Variants in GTPBP10 observed in about 807,000 individuals in gnomAD.
The protein encoded by GTPBP10 is GTP-binding protein 10.
GTPBP10 carries 38 observed loss-of-function variants against 44.8 expected under a neutral mutation model. That is an observed-to-expected ratio of 0.85 (90% CI 0.65 to 1.11). The LOEUF (loss-of-function observed/expected upper bound fraction) is 1.11. Ranked by LOEUF, GTPBP10 falls within the 50% of genes most tolerant of loss-of-function variation. The probability of loss-of-function intolerance (pLI) is 0.00; values close to 1 mark genes in which losing one functional copy is unlikely to be tolerated. For missense variants in GTPBP10, 462 were observed against 453.7 expected, an observed-to-expected ratio of 1.02 and a Z score of -0.17; for synonymous variants, 152 against 150.6, an observed-to-expected ratio of 1.01 and a Z score of -0.07.
chr7:90,348,621 G>C (rs1004848707), intron 1 of GTPBP10, among the ~76,000 whole-genome samples: 1 of 151,488 alleles, frequency 6.6e-6, no homozygotes, highest in African/African-American at 2.4e-5. Flanking sequence ...TTGGGTGGCA[G>C]AGGCAGAAGG....
chr7:90,371,130 T>TA (rs1796250546), intron 4 of GTPBP10: 2 of 838,780 alleles, frequency 2.4e-6, no homozygotes, highest in Non-Finnish European at 2.9e-6. Context: ...AAAGTTATTT[T>TA]AAAAAAACAA....
At chr7:90,367,667 T>C (rs1368636674) in intron 4 of GTPBP10, among the ~76,000 whole-genome samples, 2 of 152,034 alleles carry the variant, frequency 1.3e-5, no homozygotes, top group Non-Finnish European at 2.9e-5. Context: ...TTTGAGCCTG[T>C]GTGTGTCTTT....
At position 90,372,202 on chromosome 7, in the gene GTPBP10, C is replaced by T; in HGVS notation, c.512C>T (p.Ala171Val). ...KSSLLSCVSH[A>V]KPAIADYAFT... ...TCTTTGCTAAGTTGTGTTTCTCATG[C>T]AAAACCTGCAATTGCAGATTACGCA... The change falls in exon 5 of 10, where the codon GCA becomes GTA. Residue 171 changes from alanine (A) to valine (V), a missense_variant. By Grantham distance (64) the Ala-to-Val change is moderately conservative. Coordinates refer to ENST00000222511, the MANE Select transcript of GTPBP10 (RefSeq NM_033107.4). 1 of 1,604,820 alleles carries T rather than the reference C, an allele frequency of 6.2e-7. No homozygotes were observed. Among genetic ancestry groups the T allele is most frequent in the Non-Finnish European group, 8.5e-7 (1 of 1,174,694 alleles).
chr7:90,385,332 G>T lies in GTPBP10; in HGVS notation c.*178G>T. 2.0e-6 allele frequency: 1 copy of T among 491,162 alleles called. No homozygotes were observed. The highest frequency in any genetic ancestry group is 3.5e-6 in the Non-Finnish European group (1 of 285,344). The allele number at this position is 491,162 out of a possible 1,614,324, so 30.4% of individuals were successfully genotyped here. ...ACTCATAGAAGGAGAGAATAGAATG[G>T]TGGTTATCAAGGGCTGGTGGGGCAG... On this transcript the variant is annotated 3_prime_UTR_variant, in exon 10 of 10. Coordinates refer to ENST00000222511, the MANE Select transcript of GTPBP10 (RefSeq NM_033107.4).
chr7:90,360,584 G>A (rs1795997717), intron 4 of GTPBP10, among the ~76,000 whole-genome samples: 1 of 152,166 alleles, frequency 6.6e-6, no homozygotes, highest in Non-Finnish European at 1.5e-5. Context: ...GATGTCTCCA[G>A]CTTTGCTTTT....
chr7:90,374,301 G>T lies in GTPBP10; in HGVS notation c.539-1G>T, dbSNP rs1240153585. On this transcript the variant is annotated splice_acceptor_variant, in intron 5 of 9. Coordinates refer to ENST00000222511, the MANE Select transcript of GTPBP10 (RefSeq NM_033107.4). LOFTEE classifies it high-confidence loss of function. ...TAATTTATTGCTGTGTTTCCTTTTAGTTACAACATTAAAGCCTGAACTTGG... is the reference window on the plus strand; with the variant it reads ...TAATTTATTGCTGTGTTTCCTTTTATTTACAACATTAAAGCCTGAACTTGG... The T allele has an allele frequency of 1.3e-6, 2 of 1,592,826 alleles. No homozygotes were observed. The highest frequency in any genetic ancestry group is 1.7e-6 in the Non-Finnish European group (2 of 1,161,818).
In GTPBP10 at chr7:90,352,847, T is replaced by A. The variant is rs748934615; in HGVS notation, c.65T>A (p.Phe22Tyr). Reference sequence around the variant, plus strand: ...AATTTCATCGATAAGCTAAGACTCTTCACCAGGGGAGGATCCGGTGGAATG... The same window carrying A: ...AATTTCATCGATAAGCTAAGACTCTACACCAGGGGAGGATCCGGTGGAATG... ...YGNFIDKLRLFTRGGSGGMGY... is the reference protein window; with the variant it reads ...YGNFIDKLRLYTRGGSGGMGY... The change falls in exon 2 of 10, where the codon TTC becomes TAC. Residue 22 changes from phenylalanine to tyrosine, a missense_variant. Coordinates refer to ENST00000222511, the MANE Select transcript of GTPBP10 (RefSeq NM_033107.4). 6.2e-7 allele frequency: 1 copy of A among 1,612,796 alleles called. No individual in the cohort carries two copies. Among genetic ancestry groups the A allele is most frequent in the Admixed American group, 1.7e-5 (1 of 59,720 alleles).
intron 1 of GTPBP10, among the ~76,000 whole-genome samples, chr7:90,349,867 C>G (rs1173456052): frequency 6.6e-6 from 1 of 152,080 alleles, no homozygotes; most frequent in Non-Finnish European, 1.5e-5. Flanking sequence ...TTGGCAGAAC[C>G]TGCTTCACCT....
intron 4 of GTPBP10, among the ~76,000 whole-genome samples, chr7:90,370,042 A>T (rs1481851898): frequency 1.3e-5 from 2 of 152,280 alleles, no homozygotes; most frequent in Admixed American, 6.5e-5. Context: ...GGGATGCAAA[A>T]CTACCTATTG....
At chr7:90,377,688 T>C in intron 7 of GTPBP10, 74 bp downstream of exon 7, 3 of 1,007,454 alleles carry the variant, frequency 3.0e-6, no homozygotes, top group Non-Finnish European at 2.9e-6. Context: ...TAGAATTTTT[T>C]TATAAATAAG....
intron 4 of GTPBP10, among the ~76,000 whole-genome samples, chr7:90,370,593 G>A (rs1796239514): frequency 6.6e-6 from 1 of 152,056 alleles, no homozygotes. Flanking sequence ...TGGGTACAAT[G>A]TACACTACTT....
chr7:90,352,154 C>G lies in GTPBP10; in HGVS notation c.34-662C>G, dbSNP rs561251580. On this transcript the variant is annotated intron_variant, in intron 1 of 9. Coordinates refer to ENST00000222511, the MANE Select transcript of GTPBP10 (RefSeq NM_033107.4). ...AGCTCATGTGGTGCAGGTACTAGGG[C>G]AGTGGTACTGGAGAGAAGAGAGTAG... Among the ~76,000 whole-genome samples the G allele has an allele frequency of 1.2e-4, 19 of 152,236 alleles. No homozygotes were observed. The South Asian group carries it at 3.9e-3, about 32-fold the overall frequency.
At chr7:90,360,489 A>G (rs7799190) in intron 4 of GTPBP10, among the ~76,000 whole-genome samples, 17 of 152,060 alleles carry the variant, frequency 1.1e-4, no homozygotes, top group Non-Finnish European at 2.2e-4. Context: ...GGTCTGTCCT[A>G]TTGGTCTATA....
intron 4 of GTPBP10, among the ~76,000 whole-genome samples, chr7:90,369,918 G>A (rs1051502232): frequency 6.6e-6 from 1 of 152,164 alleles, no homozygotes; most frequent in Non-Finnish European, 1.5e-5. Flanking sequence ...GCTGGGAGCT[G>A]TAGACCAGAG....
At chr7:90,356,788 G>T (rs1257894598) in intron 4 of GTPBP10, among the ~76,000 whole-genome samples, 1 of 152,024 alleles carries the variant, frequency 6.6e-6, no homozygotes, top group African/African-American at 2.4e-5. Flanking sequence ...TACATGCTTT[G>T]CATTTTTGTA....
At position 90,390,887 on chromosome 7, in the gene GTPBP10, T is replaced by C. The variant is rs1004404336; in HGVS notation, c.*5733T>C. On this transcript the variant is annotated 3_prime_UTR_variant, in exon 10 of 10. Coordinates refer to ENST00000222511, the MANE Select transcript of GTPBP10 (RefSeq NM_033107.4). ...AAAGACATGATTATAAGCTAAAATA[T>C]GCCTTCGGTTTTGTGTGCTACAAAT... 2 of 152,206 alleles carry C rather than the reference T, an allele frequency of 1.3e-5. No individual in the cohort carries two copies. Among genetic ancestry groups the C allele is most frequent in the African/African-American group, 4.8e-5 (2 of 41,448 alleles). 9.4% of individuals were successfully genotyped at this position (152,206 alleles called of 1,614,324 possible). A position where few individuals can be genotyped will look rare whatever the true frequency, so the allele number is the denominator to read the frequency against.
intron 4 of GTPBP10, among the ~76,000 whole-genome samples, chr7:90,364,759 C>T (rs1796097244): frequency 6.6e-6 from 1 of 152,188 alleles, no homozygotes; most frequent in Admixed American, 6.5e-5. Flanking sequence ...AGTCCTTGAG[C>T]TGTGGTGGAC....
chr7:90,347,855 A>G (rs117739752), intron 1 of GTPBP10, among the ~76,000 whole-genome samples: 2 of 152,362 alleles, frequency 1.3e-5, no homozygotes, highest in Non-Finnish European at 2.9e-5. Flanking sequence ...AAGCATGAGC[A>G]GAATGGCATG....
chr7:90,383,126 T>C (rs540996217), intron 9 of GTPBP10, 47 bp downstream of exon 9: 40 of 1,385,514 alleles, frequency 2.9e-5, no homozygotes, highest in South Asian at 1.2e-4. Flanking sequence ...ATAATTACAA[T>C]GTACAGAGAA....
Sources: gnomAD v4.1 joint callset for allele counts (sites outside exome capture counted in the v4.1 genomes callset) on GRCh38, gnomAD v4.1.1 for gene constraint, MANE v1.5 for transcripts, NCBI Gene and HGNC (gene_info 2026-07-23, HGNC 2026-07-21) for gene names.